GPHN: variants seen among roughly 807,000 people sequenced by gnomAD.
GPHN encodes the protein gephyrin.
A neutral mutation model predicts 95.5 loss-of-function variants in GPHN; 17 were observed. The ratio of observed to expected loss-of-function variants is 0.18; its 90% CI spans 0.12 to 0.27. The LOEUF (loss-of-function observed/expected upper bound fraction) is 0.27. GPHN is among the 10% of genes least tolerant of loss of function. GPHN has a pLI of 1.00. For synonymous variants in GPHN, 320 were observed against 322.5 expected (o/e 0.99, Z 0.08); for missense variants, 660 against 978.1 (o/e 0.67, Z 4.34).
chr14:67,198,496 A>T, the GPHN span, among the ~76,000 whole-genome samples: 1 of 152,198 alleles, frequency 6.6e-6, no homozygotes, highest in Non-Finnish European at 1.5e-5. Context: ...GTTAAAGGAC[A>T]TTTACTTCAA....
At chr14:67,502,266 G>A in the GPHN span, among the ~76,000 whole-genome samples, 1 of 151,836 alleles carries the variant, frequency 6.6e-6, no homozygotes, top group Non-Finnish European at 1.5e-5. Context: ...GGGAGGTGGA[G>A]GTTGCAGTGA....
chr14:66,978,906 G>A (rs1431906181), intron 9 of GPHN, among the ~76,000 whole-genome samples: 1 of 152,144 alleles, frequency 6.6e-6, no homozygotes, highest in Non-Finnish European at 1.5e-5. Context: ...GTGAAGAGTG[G>A]ATGTTGTATT....
intron 2 of GPHN, among the ~76,000 whole-genome samples, chr14:66,773,355 T>G (rs1340866998): frequency 6.7e-6 from 1 of 148,430 alleles, no homozygotes; most frequent in African/African-American, 2.5e-5. Context: ...GGGAAATCTT[T>G]TTTTTTTTTT....
At chr14:67,582,333 A>G in the GPHN span, 8 of 1,510,974 alleles carry the variant, frequency 5.3e-6, no homozygotes, top group East Asian at 1.9e-4. This position sits in a 1 kb window ranked among gnomAD's most constrained non-coding sequence, Gnocchi z 5.0. Flanking sequence ...CAGCTTTGCC[A>G]TCTCTGGGAT....
At chr14:66,961,007 C>A (rs776124405) in intron 8 of GPHN, among the ~76,000 whole-genome samples, 1 of 152,092 alleles carries the variant, frequency 6.6e-6, no homozygotes, top group Non-Finnish European at 1.5e-5. Context: ...ATAGCTGCCT[C>A]AACCCTGGGA....
intron 13 of GPHN, among the ~76,000 whole-genome samples, chr14:67,107,209 A>G (rs1401904582): frequency 6.6e-6 from 1 of 152,100 alleles, no homozygotes. Context: ...TTTCCACACA[A>G]TAGGGAGAAT....
chr14:66,516,935 T>A (rs1243214113), intron 1 of GPHN, among the ~76,000 whole-genome samples: 1 of 151,762 alleles, frequency 6.6e-6, no homozygotes, highest in Non-Finnish European at 1.5e-5. Context: ...ATTGAGACCA[T>A]CCTGGCCAAC....
At chr14:67,469,626 G>C in the GPHN span, among the ~76,000 whole-genome samples, 1 of 151,680 alleles carries the variant, frequency 6.6e-6, no homozygotes, top group Non-Finnish European at 1.5e-5. Flanking sequence ...CTTCCTGGAA[G>C]GAGGAAAGTG....
chr14:67,108,441 G>C (rs1028605863), intron 13 of GPHN, among the ~76,000 whole-genome samples: 2 of 150,970 alleles, frequency 1.3e-5, no homozygotes, highest in African/African-American at 5.0e-5. Flanking sequence ...CCACAGCACA[G>C]AGTAGAGAAT....
the GPHN span, among the ~76,000 whole-genome samples, chr14:67,512,397 T>C: frequency 6.6e-6 from 1 of 152,256 alleles, no homozygotes; most frequent in Non-Finnish European, 1.5e-5. Context: ...CTGTCTGATA[T>C]TCCCTCCTTA....
chr14:67,155,728 G>A (rs867545003), intron 18 of GPHN, among the ~76,000 whole-genome samples: 7 of 152,048 alleles, frequency 4.6e-5, no homozygotes, highest in African/African-American at 1.2e-4. Flanking sequence ...AAATATTGGC[G>A]GATAGTTTTC....
At chr14:67,001,719 T>G (rs1251052440) in intron 9 of GPHN, among the ~76,000 whole-genome samples, 1 of 151,622 alleles carries the variant, frequency 6.6e-6, no homozygotes, top group Non-Finnish European at 1.5e-5. Flanking sequence ...TGGCCAAAAA[T>G]AAATAAATAA....
At chr14:67,517,457 GC>G in the GPHN span, among the ~76,000 whole-genome samples, 1 of 152,056 alleles carries the variant, frequency 6.6e-6, no homozygotes, top group East Asian at 1.9e-4. Flanking sequence ...AAACTCAGAG[GC>G]AAAAAATAAA....
intron 6 of GPHN, among the ~76,000 whole-genome samples, chr14:66,916,973 G>A (rs2065943746): frequency 6.6e-6 from 1 of 152,170 alleles, no homozygotes; most frequent in South Asian, 2.1e-4. Context: ...AGGCAGTGTA[G>A]GGTGTGGATA....
intron 1 of GPHN, among the ~76,000 whole-genome samples, chr14:66,560,997 A>C (rs2060209372): frequency 1.3e-5 from 2 of 152,212 alleles, no homozygotes; most frequent in Admixed American, 6.5e-5. Context: ...CTATTGAGAT[A>C]ATCATGTGGT....
At chr14:66,757,420 C>T (rs920866438) in intron 2 of GPHN, among the ~76,000 whole-genome samples, 3 of 152,072 alleles carry the variant, frequency 2.0e-5, no homozygotes, top group South Asian at 2.1e-4. Context: ...GACCAATTCT[C>T]ACTCTGTCAC....
chr14:67,328,758 T>G, the GPHN span, among the ~76,000 whole-genome samples: 2 of 152,348 alleles, frequency 1.3e-5, no homozygotes, highest in Non-Finnish European at 2.9e-5. Flanking sequence ...TTCTTCTTTT[T>G]GTCAGGTTTG....
intron 9 of GPHN, among the ~76,000 whole-genome samples, chr14:66,985,021 T>C (rs577937206): frequency 1.3e-5 from 2 of 152,328 alleles, no homozygotes; most frequent in South Asian, 4.1e-4. Context: ...TCATTTCCCG[T>C]CTTACCCAAG....
chr14:67,034,002 A>C (rs2074304295), intron 10 of GPHN, among the ~76,000 whole-genome samples: 1 of 152,152 alleles, frequency 6.6e-6, no homozygotes, highest in Admixed American at 6.5e-5. Context: ...AAAAAGAAAG[A>C]CTTTCCCGGG....
Sources: gnomAD v4.1 joint callset for allele counts (sites outside exome capture counted in the v4.1 genomes callset) on GRCh38, gnomAD v4.1.1 for gene constraint, Gnocchi (gnomAD v3.1) non-coding constraint, MANE v1.5 for transcripts, NCBI Gene and HGNC (gene_info 2026-07-23, HGNC 2026-07-21) for gene names.